DOCK4: variants seen among roughly 807,000 people sequenced by gnomAD.
DOCK4 encodes dedicator of cytokinesis 4.
Under a neutral mutation model 268.1 loss-of-function variants are expected in DOCK4, and 97 were observed. That is an observed-to-expected ratio of 0.36 (90% CI 0.31 to 0.43). The LOEUF (loss-of-function observed/expected upper bound fraction) is 0.43, where lower values mean the gene tolerates loss of function less well. DOCK4 is among the 20% of genes least tolerant of loss of function. The pLI, the probability that DOCK4 is intolerant of heterozygous loss-of-function variation, is 1.00. For synonymous variants in DOCK4, 954 were observed against 887.2 expected, an observed-to-expected ratio of 1.08 and a Z score of -1.34; for missense variants, 2,145 against 2,455.7, an observed-to-expected ratio of 0.87 and a Z score of 2.67.
intron 8 of DOCK4, among the ~76,000 whole-genome samples, chr7:111,947,046 C>T (rs77562765): frequency 1.3e-5 from 2 of 152,118 alleles, no homozygotes; most frequent in Admixed American, 6.5e-5. Context: ...AGTTGGCTGT[C>T]TCAGGCAATG....
intron 8 of DOCK4, among the ~76,000 whole-genome samples, chr7:111,962,841 C>G (rs1456312537): frequency 2.0e-5 from 3 of 152,130 alleles, no homozygotes. Context: ...TACAAGCAGA[C>G]AGGAAACCTC....
chr7:111,903,638 T>C (rs887130547), intron 13 of DOCK4, among the ~76,000 whole-genome samples: 2 of 152,224 alleles, frequency 1.3e-5, no homozygotes, highest in Non-Finnish European at 1.5e-5. Context: ...AATTCCATTA[T>C]AGAATCAACA....
chr7:112,101,242 T>G (rs550082650), intron 1 of DOCK4, among the ~76,000 whole-genome samples: 1 of 152,324 alleles, frequency 6.6e-6, no homozygotes, highest in African/African-American at 2.4e-5. Context: ...TATCCCAGTG[T>G]AAGGTCATGC....
At chr7:111,951,640 T>C (rs1796055269) in intron 8 of DOCK4, among the ~76,000 whole-genome samples, 2 of 123,830 alleles carry the variant, frequency 1.6e-5, no homozygotes, top group South Asian at 2.5e-4. Flanking sequence ...GGAAACCCCA[T>C]CGCTACCAAA....
intron 7 of DOCK4, 59 bp downstream of exon 7, chr7:111,984,247 G>T: frequency 7.0e-7 from 1 of 1,429,838 alleles, no homozygotes; most frequent in Non-Finnish European, 9.7e-7. Context: ...AGTATGAGGA[G>T]TGCCATGGAA....
At chr7:112,176,699 A>G (rs1298511581) in intron 1 of DOCK4, among the ~76,000 whole-genome samples, 1 of 152,200 alleles carries the variant, frequency 6.6e-6, no homozygotes, top group Non-Finnish European at 1.5e-5. Context: ...ACTCAGTAAC[A>G]ATATGGAAAC....
At chr7:112,055,634 G>A (rs1446821890) in intron 1 of DOCK4, among the ~76,000 whole-genome samples, 4 of 152,188 alleles carry the variant, frequency 2.6e-5, no homozygotes, top group Admixed American at 6.5e-5. Context: ...AGGGCAGGGC[G>A]CGGTAGCTCA....
intron 1 of DOCK4, among the ~76,000 whole-genome samples, chr7:112,134,203 G>A (rs938813341): frequency 6.6e-6 from 1 of 152,090 alleles, no homozygotes; most frequent in Non-Finnish European, 1.5e-5. Context: ...CAAACAGGGT[G>A]GAGCTTTCAC....
At chr7:111,847,462 G>A (rs961923422) in intron 23 of DOCK4, among the ~76,000 whole-genome samples, 1 of 151,224 alleles carries the variant, frequency 6.6e-6, no homozygotes, top group Admixed American at 6.6e-5. Context: ...TACGGTAGAA[G>A]AGGACTTGGT....
At chr7:112,001,076 T>C (rs1586611884) in intron 2 of DOCK4, among the ~76,000 whole-genome samples, 3 of 152,318 alleles carry the variant, frequency 2.0e-5, no homozygotes, top group African/African-American at 7.2e-5. Context: ...AAGATCAGTC[T>C]CATATCATAC....
chr7:111,905,310 T>C (rs1032121409), intron 13 of DOCK4, among the ~76,000 whole-genome samples: 2 of 152,184 alleles, frequency 1.3e-5, no homozygotes, highest in African/African-American at 4.8e-5. Context: ...TGACAATGTT[T>C]ATTAACACCT....
chr7:111,796,830 T>A (rs1427954788), intron 30 of DOCK4, among the ~76,000 whole-genome samples: 1 of 152,130 alleles, frequency 6.6e-6, no homozygotes, highest in Non-Finnish European at 1.5e-5. Context: ...GTGGACAAGC[T>A]AAGGTTGCGT....
At chr7:112,195,953 A>G (rs1249782075) in intron 1 of DOCK4, among the ~76,000 whole-genome samples, 1 of 152,094 alleles carries the variant, frequency 6.6e-6, no homozygotes, top group African/African-American at 2.4e-5. Context: ...ACAAATACAC[A>G]TGTGTTAGTA....
intron 1 of DOCK4, among the ~76,000 whole-genome samples, chr7:112,039,709 A>G (rs1804186752): frequency 6.6e-6 from 1 of 152,120 alleles, no homozygotes; most frequent in Non-Finnish European, 1.5e-5. Flanking sequence ...TTTAAGAATT[A>G]GGAGTTTTTC....
chr7:112,190,567 A>G (rs1819863155), intron 1 of DOCK4, among the ~76,000 whole-genome samples: 1 of 152,146 alleles, frequency 6.6e-6, no homozygotes, highest in Admixed American at 6.5e-5. Flanking sequence ...AGGACAGCGT[A>G]TGAGAGAAAG....
At chr7:112,132,490 A>T (rs1813901083) in intron 1 of DOCK4, among the ~76,000 whole-genome samples, 1 of 152,212 alleles carries the variant, frequency 6.6e-6, no homozygotes, top group Non-Finnish European at 1.5e-5. Context: ...ACATTCACAC[A>T]GAGATGATAT....
intron 8 of DOCK4, among the ~76,000 whole-genome samples, chr7:111,970,754 C>T (rs1797646199): frequency 6.6e-6 from 1 of 152,128 alleles, no homozygotes; most frequent in South Asian, 2.1e-4. Flanking sequence ...AGACGCTGGG[C>T]TGGTGATGTG....
At chr7:112,095,438 T>A (rs1304543102) in intron 1 of DOCK4, among the ~76,000 whole-genome samples, 1 of 137,398 alleles carries the variant, frequency 7.3e-6, no homozygotes, top group African/African-American at 2.4e-5. Flanking sequence ...TTTAATCTAT[T>A]AAGAGAAAGA....
At chr7:111,942,770 C>T (rs73207417) in intron 10 of DOCK4, among the ~76,000 whole-genome samples, 7,814 of 152,224 alleles carry the variant, frequency 0.051, 208 homozygotes, top group Non-Finnish European at 0.072. Flanking sequence ...TTAGACTGTG[C>T]GTCCAACCCT....
Sources: allele counts gnomAD v4.1 joint callset (sites outside exome capture counted in the v4.1 genomes callset), GRCh38; gene constraint gnomAD v4.1.1; transcripts MANE v1.5; gene names NCBI Gene and HGNC (gene_info 2026-07-23, HGNC 2026-07-21).